RRBP1: variants seen among roughly 807,000 people sequenced by gnomAD.
RRBP1 encodes the protein ribosome binding protein 1.
Under a neutral mutation model 165.2 loss-of-function variants are expected in RRBP1, and 94 were observed. That is an observed-to-expected ratio of 0.57 (90% confidence interval 0.48 to 0.68). The LOEUF is 0.68. Ranked by LOEUF, RRBP1 falls within the 30% of genes least tolerant of loss-of-function variation. RRBP1 has a pLI of 0.00. For missense variants in RRBP1, 1,676 were observed against 1,763.0 expected (o/e 0.95, Z 0.88); for synonymous variants, 680 against 714.5 (o/e 0.95, Z 0.77).
At chr20:17,620,080 T>C (rs1191305707) in intron 18 of RRBP1, among the ~76,000 whole-genome samples, 1 of 152,160 alleles carries the variant, frequency 6.6e-6, no homozygotes, top group East Asian at 1.9e-4. Context: ...TGGGCAGGTC[T>C]GCACAGGGCC....
At chr20:17,632,445 G>A (rs189830033) in intron 8 of RRBP1, among the ~76,000 whole-genome samples, 1 of 152,330 alleles carries the variant, frequency 6.6e-6, no homozygotes, top group African/African-American at 2.4e-5. Flanking sequence ...TTCTGAGTGG[G>A]TCTGCTTCAC....
At chr20:17,658,460 AT>A (rs111790829) in intron 3 of RRBP1, 135 bp downstream of exon 3, 550 of 725,402 alleles carry the variant, frequency 7.6e-4, no homozygotes, top group Middle Eastern at 1.2e-3. Flanking sequence ...AGGCCACTGA[AT>A]TTTTTTTTGA....
Position 17,627,650 on chromosome 20 carries a change from C to A in RRBP1, c.2782G>T (p.Glu928Ter). 1 of 1,610,816 alleles carries A rather than the reference C, an allele frequency of 6.2e-7. No individual in the cohort carries two copies. Among genetic ancestry groups the A allele is most frequent in the Non-Finnish European group, 8.5e-7 (1 of 1,178,598 alleles). ...AGCTCCTCGCATTTGCTGCGCACCT[C>A]CGCCTCGGAGGACTGTAACTTGCTG... ...LHSKLQSSEA[E>*]VRSKCEELSG... Residue 928 changes from glutamate to a stop codon, truncating the protein, a stop_gained, in exon 10 of 25, where the codon GAG becomes TAG. Transcript: ENST00000377813. LOFTEE classifies it high-confidence loss of function.
intron 2 of RRBP1, among the ~76,000 whole-genome samples, chr20:17,674,327 C>G (rs2037034033): frequency 1.3e-5 from 2 of 152,178 alleles, no homozygotes; most frequent in Non-Finnish European, 2.9e-5. Flanking sequence ...CATTGCTCCT[C>G]CTACTTAGTG....
At position 17,626,251 on chromosome 20, in the gene RRBP1, T is replaced by C. The variant is rs559940466; in HGVS notation, c.2964-649A>G. Among the ~76,000 whole-genome samples, 33 of 152,278 alleles carry C rather than the reference T, an allele frequency of 2.2e-4. No homozygotes were observed. In the South Asian group the frequency reaches 4.1e-3, roughly 19 times the overall value. On this transcript the variant is annotated intron_variant, in intron 11 of 24. Transcript: ENST00000377813. Reference sequence around the variant, plus strand: ...CTACAACATGAGTTCATTATCCTAGTAATATGCTGTGTGGCCCAAGAATCT... The same window carrying C: ...CTACAACATGAGTTCATTATCCTAGCAATATGCTGTGTGGCCCAAGAATCT...
rs2036561190 is a variant in RRBP1 at position 17,651,657 on chromosome 20, C to T, written c.1912+6939G>A. On this transcript the variant is annotated intron_variant, in intron 3 of 24. Coordinates refer to ENST00000377813, the MANE Select transcript of RRBP1 (RefSeq NM_001365613.2). ...ACAATGAATTTACCCCCCCGCCCCT[C>T]CACCCCCGGGAAGCGGATGGTGATT... Among the ~76,000 whole-genome samples the T allele has an allele frequency of 3.9e-5, 6 of 152,328 alleles. No individual in the cohort carries two copies. The South Asian group carries it at 1.2e-3, about 32-fold the overall frequency.
At chr20:17,628,375 C>A (rs1404831236) in intron 9 of RRBP1, among the ~76,000 whole-genome samples, 1 of 152,196 alleles carries the variant, frequency 6.6e-6, no homozygotes, top group Non-Finnish European at 1.5e-5. Context: ...GAGCCCACAC[C>A]CGCCATCTGT....
At chr20:17,675,908 G>C (rs1002425948) in intron 2 of RRBP1, among the ~76,000 whole-genome samples, 1 of 152,314 alleles carries the variant, frequency 6.6e-6, no homozygotes, top group East Asian at 1.9e-4. Flanking sequence ...GAAATAACCC[G>C]GGGCAGAGGT....
chr20:17,671,957 C>A (rs2036987644), intron 2 of RRBP1, among the ~76,000 whole-genome samples: 1 of 152,236 alleles, frequency 6.6e-6, no homozygotes, highest in Non-Finnish European at 1.5e-5. Context: ...AAACCAAATT[C>A]CAGCCAACCA....
In RRBP1 at chr20:17,613,939, T is replaced by C. The variant is rs974471834; in HGVS notation, c.*243A>G. ...GAGTCAACCAGGGCTTTGGCGTCAC[T>C]CGGCGGTGGCCCGGGGCTGCGCCCA... On this transcript the variant is annotated 3_prime_UTR_variant, in exon 25 of 25. Transcript: ENST00000377813. 22 of 477,012 alleles carry C rather than the reference T, an allele frequency of 4.6e-5. No homozygotes were observed. The highest frequency in any genetic ancestry group is 7.6e-5 in the Non-Finnish European group (20 of 263,958). The allele number at this position is 477,012 out of a possible 1,614,324, so 29.5% of individuals were successfully genotyped here. A position where few individuals can be genotyped will look rare whatever the true frequency, so the allele number is the denominator to read the frequency against.
chr20:17,678,662 T>C (rs2037125211), intron 2 of RRBP1, among the ~76,000 whole-genome samples: 1 of 152,350 alleles, frequency 6.6e-6, no homozygotes, highest in East Asian at 1.9e-4. Flanking sequence ...GTGGAAACCA[T>C]CTACAGCCAC....
chr20:17,620,696 C>G lies in RRBP1; in HGVS notation c.3507+19G>C, dbSNP rs200904325. The G allele has an allele frequency of 6.3e-7, 1 of 1,589,448 alleles. No individual in the cohort carries two copies. On this transcript the variant is annotated intron_variant, in intron 17 of 24. Transcript: ENST00000377813. Reference sequence around the variant, plus strand: ...TCATGTGCTCCACGGCGCCGGGAGGCAGGCAGGGCTGCATATACCTTCTGG... The same window carrying G: ...TCATGTGCTCCACGGCGCCGGGAGGGAGGCAGGGCTGCATATACCTTCTGG...
chr20:17,638,655 G>A (rs946469107), intron 5 of RRBP1, among the ~76,000 whole-genome samples: 3 of 152,072 alleles, frequency 2.0e-5, no homozygotes, highest in Non-Finnish European at 4.4e-5. Context: ...CCTTCTGCTT[G>A]TCAAATTCTT....
intron 8 of RRBP1, among the ~76,000 whole-genome samples, chr20:17,633,245 T>C (rs1239305054): frequency 6.6e-6 from 1 of 152,214 alleles, no homozygotes; most frequent in East Asian, 1.9e-4. Flanking sequence ...GTGCTTAGCA[T>C]ACAGAAAGCT....
chr20:17,627,627 C>T lies in RRBP1; in HGVS notation c.2805G>A (p.Glu935=), dbSNP rs764354821. 6.2e-7 allele frequency: 1 copy of T among 1,613,156 alleles called. No individual in the cohort carries two copies. Among genetic ancestry groups the T allele is most frequent in the Non-Finnish European group, 8.5e-7 (1 of 1,179,722 alleles). The change falls in exon 10 of 25, where the codon GAG becomes GAA. Residue 935 remains glutamate (E), a synonymous_variant. Transcript: ENST00000377813. Reference sequence around the variant, plus strand: ...GGAGCTGCCCGTGGAGGCCACTCAGCTCCTCGCATTTGCTGCGCACCTCCG... The same window carrying T: ...GGAGCTGCCCGTGGAGGCCACTCAGTTCCTCGCATTTGCTGCGCACCTCCG... The part of the protein sequence containing the change: ...SEAEVRSKCE[E]LSGLHGQLQE...
rs1461384410 is a variant in RRBP1, at chr20:17,627,821, T to C, written c.2750-139A>G. 3.9e-6 allele frequency: 3 copies of C among 768,014 alleles called. No homozygotes were observed. In the South Asian group the frequency reaches 6.3e-5, roughly 16 times the overall value. The allele number at this position is 768,014 out of a possible 1,614,324, so 47.6% of individuals were successfully genotyped here. A position where few individuals can be genotyped will look rare whatever the true frequency, so the allele number is the denominator to read the frequency against. On this transcript the variant is annotated intron_variant, in intron 9 of 24. Transcript: ENST00000377813. Reference sequence around the variant, plus strand: ...GCCTCCTCTGTGTGTCTGGGGCTCTTAAGACATACTACTGACCACTGGGGC... The same window carrying C: ...GCCTCCTCTGTGTGTCTGGGGCTCTCAAGACATACTACTGACCACTGGGGC...
intron 3 of RRBP1, among the ~76,000 whole-genome samples, chr20:17,647,683 C>A (rs2036488202): frequency 6.6e-6 from 1 of 152,122 alleles, no homozygotes. Flanking sequence ...GGGACTCTGG[C>A]AATGGAACCT....
intron 9 of RRBP1, 59 bp downstream of exon 9, chr20:17,629,764 C>T: frequency 2.0e-6 from 3 of 1,525,916 alleles, no homozygotes; most frequent in Non-Finnish European, 2.7e-6. Flanking sequence ...TGGGGCTGGG[C>T]CGGCATGCAG....
In RRBP1 at chr20:17,621,446, C is replaced by T. The variant is rs191816567; in HGVS notation, c.3414+12G>A. 24 of 1,606,126 alleles carry T rather than the reference C, an allele frequency of 1.5e-5. No homozygotes were observed. The African/African-American group carries it at 2.7e-4, about 18-fold the overall frequency. On this transcript the variant is annotated intron_variant, in intron 16 of 24. Coordinates refer to ENST00000377813, the MANE Select transcript of RRBP1 (RefSeq NM_001365613.2). ...CCCAGGGATGCCCAGCTGACAGGTT[C>T]CCAATGCTCACCGTCTCCGCCAGGA...
Sources: gnomAD v4.1 joint callset for allele counts (sites outside exome capture counted in the v4.1 genomes callset) on GRCh38, gnomAD v4.1.1 for gene constraint, MANE v1.5 for transcripts, NCBI Gene and HGNC (gene_info 2026-07-23, HGNC 2026-07-21) for gene names.